Variants in MAGI3 observed in about 807,000 individuals in gnomAD.
MAGI3 encodes membrane associated guanylate kinase, WW and PDZ domain containing 3, also known as membrane-associated guanylate kinase, WW and PDZ domain-containing protein 3.
A neutral mutation model predicts 121.8 loss-of-function variants in MAGI3; 43 were observed. That is an observed-to-expected ratio of 0.35 (90% confidence interval 0.28 to 0.46). The LOEUF (loss-of-function observed/expected upper bound fraction) is 0.46, where lower values mean the gene tolerates loss of function less well. Ranked by LOEUF, MAGI3 falls within the 20% of genes least tolerant of loss-of-function variation. MAGI3 has a pLI of 1.00. For synonymous variants in MAGI3, 553 were observed against 639.3 expected (o/e 0.86, Z 2.04); for missense variants, 1,547 against 1,797.3 (o/e 0.86, Z 2.52).
rs769035340 is a variant in MAGI3, at chr1:113,416,187, A to ATT, written c.316+24838_316+24839insTT. 1.3e-4 allele frequency among the ~76,000 whole-genome samples: 5 copies of ATT among 38,730 alleles called. 2 individuals are homozygous for ATT. The highest frequency in any genetic ancestry group is 1.4e-3 in the East Asian group (2 of 1,428). The allele number at this position is 38,730 out of a possible 152,430, so 25.4% of individuals were successfully genotyped here. The stretch of plus-strand genomic sequence containing the variant: ...TATTATGTAATTAATGACACATATT[A>ATT]ATTATGTAATTAATGACACATATTA... On this transcript the variant is annotated intron_variant, in intron 1 of 20. Coordinates refer to ENST00000307546, the MANE Select transcript of MAGI3 (RefSeq NM_001142782.2).
At position 113,684,214 on chromosome 1, in the gene MAGI3, G is replaced by A. The variant is rs887717764; in HGVS notation, c.*200G>A. ...TCCCCCTGGCCGGCTGCCCTCCCTC[G>A]CTCTCAGGAAGGAGCTGCATCCACA... On this transcript the variant is annotated 3_prime_UTR_variant, in exon 21 of 21. Coordinates refer to ENST00000307546, the MANE Select transcript of MAGI3 (RefSeq NM_001142782.2). The A allele has an allele frequency of 5.3e-5, 27 of 505,746 alleles. No homozygotes were observed. The highest frequency in any genetic ancestry group is 8.4e-5 in the Non-Finnish European group (26 of 308,042). The allele number at this position is 505,746 out of a possible 1,614,324, so 31.3% of individuals were successfully genotyped here.
At chr1:113,619,019 G>A (rs1287974780) in intron 7 of MAGI3, among the ~76,000 whole-genome samples, 1 of 152,168 alleles carries the variant, frequency 6.6e-6, no homozygotes, top group African/African-American at 2.4e-5. Context: ...ATCGCCCATA[G>A]CGTGTTGAAT....
At chr1:113,468,955 GA>G (rs1361377464) in intron 1 of MAGI3, among the ~76,000 whole-genome samples, 1 of 151,958 alleles carries the variant, frequency 6.6e-6, no homozygotes, top group Non-Finnish European at 1.5e-5. Flanking sequence ...AATAGTTGTT[GA>G]ATGAATAACA....
chr1:113,616,406 A>G (rs1650469149), intron 7 of MAGI3, among the ~76,000 whole-genome samples: 1 of 152,214 alleles, frequency 6.6e-6, no homozygotes, highest in Admixed American at 6.5e-5. Context: ...TCTCGACCAT[A>G]GTAATCTGCA....
At chr1:113,489,375 A>G (rs901253931) in intron 1 of MAGI3, among the ~76,000 whole-genome samples, 1 of 152,164 alleles carries the variant, frequency 6.6e-6, no homozygotes, top group Non-Finnish European at 1.5e-5. Flanking sequence ...GAATAAAAGG[A>G]AAAAACAAAC....
rs1557748881 is a variant in MAGI3, at chr1:113,422,961, TG to T, written c.316+31615del. The stretch of plus-strand genomic sequence containing the variant: ...CTCTGGCTTGGGGAATCCTGAGGTC[TG>T]GGCCCCCAGAAGGGTTGCCACCCTT... On this transcript the variant is annotated intron_variant, in intron 1 of 20. Transcript: ENST00000307546. The surrounding 1 kb of genome is among the most constrained non-coding windows in gnomAD (Gnocchi z 4.3). Among the ~76,000 whole-genome samples the T allele has an allele frequency of 6.6e-6, 1 of 152,112 alleles. No homozygotes were observed. Among genetic ancestry groups the T allele is most frequent in the African/African-American group, 2.4e-5 (1 of 41,430 alleles).
chr1:113,399,385 G>A (rs1044507247), intron 1 of MAGI3, among the ~76,000 whole-genome samples: 3 of 152,082 alleles, frequency 2.0e-5, no homozygotes, highest in South Asian at 2.1e-4. Flanking sequence ...ACCCCAAGAC[G>A]TAAGGGAGGG....
chr1:113,601,963 A>G (rs1336777021), intron 6 of MAGI3, among the ~76,000 whole-genome samples: 2 of 151,786 alleles, frequency 1.3e-5, no homozygotes, highest in African/African-American at 4.8e-5. Flanking sequence ...TCAGTAAACT[A>G]TCGCAAGAAC....
At chr1:113,592,779 G>A (rs775002048) in intron 5 of MAGI3, among the ~76,000 whole-genome samples, 1 of 152,118 alleles carries the variant, frequency 6.6e-6, no homozygotes, top group African/African-American at 2.4e-5. Flanking sequence ...TTGGGAGGCC[G>A]AGGCAGGCGG....
rs1648444713 is a variant in MAGI3, at chr1:113,684,700, C to T, written c.*686C>T. ...AAATAACTGTTAAAGATATTACTTA[C>T]AATTGAATGTTTGAAATAAGAAAGT... On this transcript the variant is annotated 3_prime_UTR_variant, in exon 21 of 21. Transcript: ENST00000307546. The T allele has an allele frequency of 6.6e-6, 1 of 152,306 alleles. No homozygotes were observed. Among genetic ancestry groups the T allele is most frequent in the South Asian group, 2.1e-4 (1 of 4,830 alleles). 9.4% of individuals were successfully genotyped at this position (152,306 alleles called of 1,614,324 possible).
chr1:113,644,707 C>T (rs2101827663), intron 11 of MAGI3, among the ~76,000 whole-genome samples: 1 of 152,252 alleles, frequency 6.6e-6, no homozygotes, highest in Admixed American at 6.5e-5. Flanking sequence ...TGTTTAAGGA[C>T]CTGTGCAGAG....
intron 9 of MAGI3, among the ~76,000 whole-genome samples, chr1:113,627,041 CT>C (rs1215178182): frequency 2.0e-5 from 3 of 151,734 alleles, no homozygotes; most frequent in Admixed American, 6.6e-5. Flanking sequence ...TGAAGTTTTT[CT>C]TTTTTTATAT....
At chr1:113,442,407 C>G (rs1177511404) in intron 1 of MAGI3, among the ~76,000 whole-genome samples, 1 of 151,940 alleles carries the variant, frequency 6.6e-6, no homozygotes, top group Non-Finnish European at 1.5e-5. Context: ...AAATTAAAAG[C>G]ATTTTCTAAG....
intron 16 of MAGI3, among the ~76,000 whole-genome samples, chr1:113,662,754 C>T (rs1311680017): frequency 2.6e-5 from 4 of 152,050 alleles, no homozygotes; most frequent in Non-Finnish European, 4.4e-5. Context: ...TTTTGAGTTA[C>T]GTAAATGTTA....
intron 9 of MAGI3, among the ~76,000 whole-genome samples, chr1:113,640,198 C>G (rs1377333955): frequency 1.3e-5 from 2 of 152,228 alleles, no homozygotes; most frequent in South Asian, 2.1e-4. Flanking sequence ...TTACGCCAGT[C>G]AGAATGGTGA....
chr1:113,583,807 A>T (rs1364623567), intron 3 of MAGI3, among the ~76,000 whole-genome samples: 3 of 152,178 alleles, frequency 2.0e-5, no homozygotes, highest in Admixed American at 6.5e-5. Flanking sequence ...GTATGACTGG[A>T]GTAACTCCAT....
chr1:113,547,346 G>A (rs958757888), intron 1 of MAGI3, among the ~76,000 whole-genome samples: 35 of 151,914 alleles, frequency 2.3e-4, no homozygotes, highest in African/African-American at 8.2e-4. Flanking sequence ...GAGTCAGATT[G>A]TCTTTTTAAA....
intron 1 of MAGI3, among the ~76,000 whole-genome samples, chr1:113,473,205 T>G (rs903267315): frequency 2.0e-5 from 3 of 152,196 alleles, no homozygotes; most frequent in African/African-American, 7.2e-5. Context: ...GAAGGACACC[T>G]TTGCTAGGTA....
intron 1 of MAGI3, chr1:113,403,895 T>A (rs374703409): frequency 7.9e-5 from 12 of 152,320 alleles, no homozygotes; most frequent in African/African-American, 2.6e-4. Flanking sequence ...AGGAAGTCGC[T>A]GAGTGATAGC....
Sources: allele counts gnomAD v4.1 joint callset (sites outside exome capture counted in the v4.1 genomes callset), GRCh38; gene constraint gnomAD v4.1.1; non-coding constraint Gnocchi (gnomAD v3.1); transcripts MANE v1.5; gene names NCBI Gene and HGNC (gene_info 2026-07-23, HGNC 2026-07-21).